The following SLC25A21 variants were observed in gnomAD, a reference collection of about 807,000 sequenced individuals.
The protein encoded by SLC25A21 is mitochondrial 2-oxodicarboxylate carrier.
In SLC25A21, 47 loss-of-function variants were observed where a neutral mutation model predicts 43.8. The ratio of observed to expected loss-of-function variants is 1.07; its 90% CI spans 0.85 to 1.37. The LOEUF (loss-of-function observed/expected upper bound fraction) is 1.37. Ranked by LOEUF, SLC25A21 falls within the 40% of genes most tolerant of loss-of-function variation. The pLI, the probability that SLC25A21 is intolerant of heterozygous loss-of-function variation, is 0.00. For synonymous variants in SLC25A21, 131 were observed against 121.3 expected (o/e 1.08, Z -0.52); for missense variants, 352 against 350.2 (o/e 1.00, Z -0.04).
At chr14:36,799,503 T>C (rs1419871875) in intron 3 of SLC25A21, among the ~76,000 whole-genome samples, 1 of 152,182 alleles carries the variant, frequency 6.6e-6, no homozygotes, top group African/African-American at 2.4e-5. Flanking sequence ...TGAAAAAATG[T>C]AAAGGTCATA....
intron 3 of SLC25A21, among the ~76,000 whole-genome samples, chr14:36,745,730 G>A (rs1246035330): frequency 6.6e-6 from 1 of 152,018 alleles, no homozygotes; most frequent in Non-Finnish European, 1.5e-5. Context: ...GTTCTTTGTA[G>A]ATTCTGGATA....
At chr14:36,913,121 T>G (rs1341048412) in intron 1 of SLC25A21, among the ~76,000 whole-genome samples, 1 of 152,088 alleles carries the variant, frequency 6.6e-6, no homozygotes, top group Non-Finnish European at 1.5e-5. Context: ...TTCAAAGGTG[T>G]TTAACTTATA....
chr14:36,793,803 T>C (rs1344964173), intron 3 of SLC25A21, among the ~76,000 whole-genome samples: 1 of 152,058 alleles, frequency 6.6e-6, no homozygotes, highest in Non-Finnish European at 1.5e-5. Flanking sequence ...TTTATTCTCC[T>C]CTGGCATTTT....
intron 5 of SLC25A21, among the ~76,000 whole-genome samples, chr14:36,727,127 C>T (rs1254944222): frequency 6.6e-6 from 1 of 152,054 alleles, no homozygotes; most frequent in Non-Finnish European, 1.5e-5. Context: ...TCCAGCTTGC[C>T]CCTCACTTGC....
At chr14:37,054,369 TC>T (rs962012614) in intron 1 of SLC25A21, among the ~76,000 whole-genome samples, 9 of 152,176 alleles carry the variant, frequency 5.9e-5, no homozygotes, top group African/African-American at 1.9e-4. Flanking sequence ...CTGCCCAAAC[TC>T]CTGACCTATA....
chr14:36,796,011 C>T (rs1041328244), intron 3 of SLC25A21, among the ~76,000 whole-genome samples: 12 of 152,048 alleles, frequency 7.9e-5, no homozygotes, highest in Non-Finnish European at 1.0e-4. Context: ...TCATGGGAAA[C>T]GTGATAAAGG....
intron 1 of SLC25A21, among the ~76,000 whole-genome samples, chr14:37,145,990 A>T (rs1434539663): frequency 1.3e-5 from 2 of 152,148 alleles, no homozygotes; most frequent in African/African-American, 4.8e-5. Context: ...TAATGTCTCA[A>T]TTTGATGGCA....
At chr14:37,002,956 C>T (rs1302824700) in intron 1 of SLC25A21, among the ~76,000 whole-genome samples, 2 of 152,158 alleles carry the variant, frequency 1.3e-5, no homozygotes, top group Non-Finnish European at 2.9e-5. Context: ...ATCAGTAATT[C>T]CTCTTCTTAG....
Position 36,753,021 on chromosome 14 carries a change from G to A in SLC25A21, c.204-18448C>T, listed in dbSNP as rs1885768108. ...AAATGTATGATGCCATTTCTATGAG[G>A]TACCTAGAATAGTCAAACTCACTGA... On this transcript the variant is annotated intron_variant, in intron 3 of 9. Transcript: ENST00000331299. 2.0e-5 allele frequency among the ~76,000 whole-genome samples: 3 copies of A among 152,106 alleles called. No homozygotes were observed. The South Asian group carries it at 6.2e-4, about 32-fold the overall frequency.
chr14:36,762,527 A>G (rs1015243010), intron 3 of SLC25A21, among the ~76,000 whole-genome samples: 1 of 152,230 alleles, frequency 6.6e-6, no homozygotes, highest in South Asian at 2.1e-4. Context: ...CAATCATGGG[A>G]TATTTAAAAG....
chr14:37,047,739 G>C (rs916296524), intron 1 of SLC25A21, among the ~76,000 whole-genome samples: 4 of 152,312 alleles, frequency 2.6e-5, no homozygotes, highest in South Asian at 2.1e-4. Flanking sequence ...GAAAACAAAA[G>C]TGTTTTATCT....
intron 1 of SLC25A21, among the ~76,000 whole-genome samples, chr14:37,005,174 A>C (rs1164512552): frequency 6.6e-6 from 1 of 152,110 alleles, no homozygotes; most frequent in Non-Finnish European, 1.5e-5. Context: ...TCTGTACCAC[A>C]AGTGCACAAG....
At chr14:36,999,605 G>A (rs1055652795) in intron 1 of SLC25A21, among the ~76,000 whole-genome samples, 2 of 152,168 alleles carry the variant, frequency 1.3e-5, no homozygotes, top group Non-Finnish European at 2.9e-5. Flanking sequence ...GGCTATGCAT[G>A]AGTGGAAGTA....
intron 1 of SLC25A21, among the ~76,000 whole-genome samples, chr14:36,891,764 T>A (rs764929790): frequency 2.2e-4 from 33 of 152,270 alleles, no homozygotes; most frequent in Non-Finnish European, 4.4e-4. Context: ...TGAATATGTC[T>A]CTTCAATACC....
At chr14:36,844,997 C>T (rs1889498085) in intron 2 of SLC25A21, among the ~76,000 whole-genome samples, 1 of 152,142 alleles carries the variant, frequency 6.6e-6, no homozygotes, top group Admixed American at 6.5e-5. Context: ...GGGCAGTAAA[C>T]ATTTCTTGCA....
chr14:37,121,731 G>C lies in SLC25A21; in HGVS notation c.70+50550C>G, dbSNP rs140871426. Among the ~76,000 whole-genome samples the C allele has an allele frequency of 6.4e-4, 98 of 152,214 alleles. No individual in the cohort carries two copies. In the Middle Eastern group the frequency reaches 0.014, roughly 21 times the overall value. On this transcript the variant is annotated intron_variant, in intron 1 of 9. Transcript: ENST00000331299. ...TTTATTCTGGGAGGTGGAGGTTGCA[G>C]TGAGCCAAGATCGCGCCACTGCACT... is the stretch of plus-strand genomic sequence containing the variant.
intron 2 of SLC25A21, among the ~76,000 whole-genome samples, chr14:36,862,918 T>C (rs1371117868): frequency 6.6e-6 from 1 of 152,150 alleles, no homozygotes; most frequent in Admixed American, 6.6e-5. Flanking sequence ...ATCTAAGCTA[T>C]AGCTTAGGCA....
At chr14:37,073,767 T>C (rs1962221534) in intron 1 of SLC25A21, among the ~76,000 whole-genome samples, 1 of 152,148 alleles carries the variant, frequency 6.6e-6, no homozygotes, top group Non-Finnish European at 1.5e-5. Context: ...TGGTATCAAT[T>C]TAAGATCAAA....
intron 3 of SLC25A21, among the ~76,000 whole-genome samples, chr14:36,805,357 C>A (rs887879406): frequency 3.3e-5 from 5 of 152,110 alleles, no homozygotes; most frequent in Non-Finnish European, 7.3e-5. Context: ...GCAGGGAGAT[C>A]TAGGTGCTGA....
Sources: gnomAD v4.1 joint callset for allele counts (sites outside exome capture counted in the v4.1 genomes callset) on GRCh38, gnomAD v4.1.1 for gene constraint, MANE v1.5 for transcripts, NCBI Gene and HGNC (gene_info 2026-07-23, HGNC 2026-07-21) for gene names.